RALGPS1: variants seen among roughly 807,000 people sequenced by gnomAD.
The protein encoded by RALGPS1 is Ral GEF with PH domain and SH3 binding motif 1, also known as ras-specific guanine nucleotide-releasing factor RalGPS1.
In RALGPS1, 19 loss-of-function variants were observed where a neutral mutation model predicts 78.8. That is an observed-to-expected ratio of 0.24 (90% CI 0.17 to 0.35). The LOEUF (loss-of-function observed/expected upper bound fraction) is 0.35, where lower values mean the gene tolerates loss of function less well. RALGPS1 is among the 10% of genes least tolerant of loss of function. The pLI is 1.00. For synonymous variants in RALGPS1, 228 were observed against 256.3 expected (o/e 0.89, Z 1.06); for missense variants, 454 against 688.3 (o/e 0.66, Z 3.81).
At chr9:127,048,618 T>C (rs1485369156) in intron 5 of RALGPS1, among the ~76,000 whole-genome samples, 1 of 152,218 alleles carries the variant, frequency 6.6e-6, no homozygotes, top group Non-Finnish European at 1.5e-5. Context: ...GCTTCCATGT[T>C]CCGTAATATG....
chr9:126,940,660 C>G (rs1181569758), intron 1 of RALGPS1, among the ~76,000 whole-genome samples: 1 of 152,016 alleles, frequency 6.6e-6, no homozygotes. Flanking sequence ...CCAGGACGGT[C>G]TCGATCTCCT....
chr9:127,108,610 A>T, intron 8 of RALGPS1: 2 of 1,613,558 alleles, frequency 1.2e-6, no homozygotes, highest in Non-Finnish European at 1.7e-6. Flanking sequence ...GTACCTGTTT[A>T]GGTAAATGAA....
chr9:126,933,783 T>C (rs927213356), intron 1 of RALGPS1, among the ~76,000 whole-genome samples: 1 of 152,112 alleles, frequency 6.6e-6, no homozygotes, highest in Non-Finnish European at 1.5e-5. Context: ...ACGGAGCTCA[T>C]AGCACCTTGT....
In RALGPS1 at chr9:127,215,414, G is replaced by A. The variant is rs542592753; in HGVS notation, c.1644+572G>A. On this transcript the variant is annotated intron_variant, in intron 18 of 18. Transcript: ENST00000259351. ...CCCTGGTCGCCCCCAGCCGTCCCAC[G>A]AAGGGTGTTATGCGAAATGTTTCCC... Among the ~76,000 whole-genome samples, 21 of 152,364 alleles carry A rather than the reference G, an allele frequency of 1.4e-4. No individual in the cohort carries two copies. In the South Asian group the frequency reaches 4.1e-3, roughly 30 times the overall value.
At chr9:127,204,978 G>T (rs1382163999) in intron 14 of RALGPS1, among the ~76,000 whole-genome samples, 1 of 152,232 alleles carries the variant, frequency 6.6e-6, no homozygotes, top group African/African-American at 2.4e-5. Context: ...TCCCGCAGGT[G>T]ATAGGTCCCC....
At position 127,219,021 on chromosome 9, in the gene RALGPS1, C is replaced by A; in HGVS notation, c.*252C>A. ...CTTGGGGCAGTGGTCAGACCCCACA[C>A]GCCCTCTCTGGGCCCACCACCTGCA... On this transcript the variant is annotated 3_prime_UTR_variant, in exon 19 of 19. Transcript: ENST00000259351. This position sits in a 1 kb window ranked among gnomAD's most constrained non-coding sequence, Gnocchi z 5.0. 3.6e-6 allele frequency: 2 copies of A among 554,738 alleles called. No homozygotes were observed. Among genetic ancestry groups the A allele is most frequent in the Non-Finnish European group, 6.5e-6 (2 of 307,714 alleles). 34.4% of individuals were successfully genotyped at this position (554,738 alleles called of 1,614,324 possible).
chr9:127,175,677 C>CTTTTTT (rs11354346), intron 11 of RALGPS1, among the ~76,000 whole-genome samples: 14 of 108,990 alleles, frequency 1.3e-4, no homozygotes, highest in Non-Finnish European at 2.4e-4. Flanking sequence ...TTTGGGCCTC[C>CTTTTTT]TTTTTTTTTT....
chr9:127,174,089 G>A (rs372185096), intron 10 of RALGPS1, among the ~76,000 whole-genome samples: 6 of 151,690 alleles, frequency 4.0e-5, no homozygotes, highest in Non-Finnish European at 5.9e-5. Context: ...GTGGAACCCC[G>A]TCTCTACTAA....
intron 10 of RALGPS1, among the ~76,000 whole-genome samples, chr9:127,173,624 A>G (rs558424953): frequency 1.3e-5 from 2 of 152,292 alleles, no homozygotes; most frequent in Admixed American, 1.3e-4. Flanking sequence ...TGCTTCAAAA[A>G]GATATATTGA....
chr9:126,946,354 C>T (rs55667108), intron 1 of RALGPS1, among the ~76,000 whole-genome samples: 27 of 151,860 alleles, frequency 1.8e-4, no homozygotes, highest in African/African-American at 5.8e-4. Flanking sequence ...GCCAATGTGG[C>T]GAAACCCCGT....
At chr9:127,138,524 A>C (rs1172091590) in intron 8 of RALGPS1, among the ~76,000 whole-genome samples, 1 of 152,000 alleles carries the variant, frequency 6.6e-6, no homozygotes. Flanking sequence ...GGCACACACT[A>C]CTCCAGGGAA....
At chr9:127,172,676 C>G (rs1222870335) in intron 10 of RALGPS1, among the ~76,000 whole-genome samples, 3 of 152,226 alleles carry the variant, frequency 2.0e-5, no homozygotes, top group Admixed American at 1.3e-4. Context: ...TCAGCACTCT[C>G]TTATTTCAGT....
At chr9:127,079,045 C>G (rs1409331522) in intron 8 of RALGPS1, among the ~76,000 whole-genome samples, 1 of 152,216 alleles carries the variant, frequency 6.6e-6, no homozygotes, top group Non-Finnish European at 1.5e-5. Context: ...CCAGGTCTGA[C>G]TCCAGTGCCC....
At chr9:127,208,416 C>G (rs1322536943) in intron 14 of RALGPS1, among the ~76,000 whole-genome samples, 1 of 152,220 alleles carries the variant, frequency 6.6e-6, no homozygotes, top group Non-Finnish European at 1.5e-5. Context: ...TCCTGAAAGG[C>G]TTTATCTCAC....
rs574408184 is a variant in RALGPS1 at position 126,952,100 on chromosome 9, A to T, written c.-65-10125A>T. ...AAGAGAATAAAGTACTTAGGAATCC[A>T]ACTTACAAGGGACGTGAAGGACCTC... On this transcript the variant is annotated intron_variant, in intron 1 of 18. Transcript: ENST00000259351. Among the ~76,000 whole-genome samples, 39 of 152,342 alleles carry T rather than the reference A, an allele frequency of 2.6e-4. No individual in the cohort carries two copies. The South Asian group carries it at 8.1e-3, about 32-fold the overall frequency.
intron 8 of RALGPS1, among the ~76,000 whole-genome samples, chr9:127,129,672 C>T (rs2056874531): frequency 6.6e-6 from 1 of 152,200 alleles, no homozygotes; most frequent in African/African-American, 2.4e-5. Flanking sequence ...CTGCTGGCAG[C>T]GACCTTTCTG....
At chr9:127,214,477 C>T (rs1029412660) in intron 17 of RALGPS1, among the ~76,000 whole-genome samples, 86 of 152,088 alleles carry the variant, frequency 5.7e-4, no homozygotes, top group Non-Finnish European at 1.0e-4. Flanking sequence ...TATCGATTTC[C>T]TTTGTATTTT....
chr9:127,208,365 A>G (rs1004160515), intron 14 of RALGPS1, among the ~76,000 whole-genome samples: 5 of 152,340 alleles, frequency 3.3e-5, no homozygotes, highest in South Asian at 4.1e-4. Flanking sequence ...TCCAGTCCCA[A>G]TGACAGACCC....
chr9:127,040,401 C>A (rs1471865428), intron 5 of RALGPS1, among the ~76,000 whole-genome samples: 1 of 151,930 alleles, frequency 6.6e-6, no homozygotes, highest in Non-Finnish European at 1.5e-5. Flanking sequence ...AACGCTGTCT[C>A]AGAAGAAAAG....
Sources: gnomAD v4.1 joint callset for allele counts (sites outside exome capture counted in the v4.1 genomes callset) on GRCh38, gnomAD v4.1.1 for gene constraint, Gnocchi (gnomAD v3.1) non-coding constraint, MANE v1.5 for transcripts, NCBI Gene and HGNC (gene_info 2026-07-23, HGNC 2026-07-21) for gene names.